Variants in DCAF16 observed in about 807,000 individuals in gnomAD.
DCAF16 encodes DDB1- and CUL4-associated factor 16.
Under a neutral mutation model 17.3 loss-of-function variants are expected in DCAF16, and 10 were observed. That is an observed-to-expected ratio of 0.58 (90% CI 0.36 to 0.98). DCAF16 has a LOEUF of 0.98. Ranked by LOEUF, DCAF16 falls within the 50% of genes least tolerant of loss-of-function variation. DCAF16 has a pLI of 0.01. For missense variants in DCAF16, 249 were observed against 247.6 expected, an observed-to-expected ratio of 1.01 and a Z score of -0.04; for synonymous variants, 111 against 92.8, an observed-to-expected ratio of 1.20 and a Z score of -1.12.
chr4:17,804,107 G>A lies in DCAF16; in HGVS notation c.35C>T (p.Ser12Leu). The A allele has an allele frequency of 6.2e-7, 1 of 1,614,016 alleles. No homozygotes were observed. The highest frequency in any genetic ancestry group is 8.5e-7 in the Non-Finnish European group (1 of 1,179,978). Residue 12 changes from serine to leucine, a missense_variant, in exon 3 of 3, where the codon TCA becomes TTA. Coordinates refer to ENST00000382247, the MANE Select transcript of DCAF16 (RefSeq NM_017741.4). ...GPRNPSPDHL[S>L]ESESEEEENI... The stretch of plus-strand genomic sequence containing the variant: ...TTCTTCTTCCTCACTTTCTGATTCT[G>A]ACAAGTGGTCAGGAGAGGGATTTCT...
chr4:17,796,440 G>T (rs1015530844), downstream of DCAF16, among the ~76,000 whole-genome samples: 2 of 152,210 alleles, frequency 1.3e-5, no homozygotes, highest in Non-Finnish European at 2.9e-5. Flanking sequence ...GCCAGGTGCG[G>T]TGGCTCACGC....
downstream of DCAF16, among the ~76,000 whole-genome samples, chr4:17,797,687 T>C (rs1719491373): frequency 6.6e-6 from 1 of 152,336 alleles, no homozygotes; most frequent in African/African-American, 2.4e-5. Context: ...TATCAGGCCA[T>C]TCTGGTTACT....
downstream of DCAF16, among the ~76,000 whole-genome samples, chr4:17,799,857 A>G (rs576691876): frequency 6.6e-6 from 1 of 152,166 alleles, no homozygotes; most frequent in Admixed American, 6.5e-5. Flanking sequence ...TTTAATAAAA[A>G]TGTTGCCTAT....
At chr4:17,810,239 C>T (rs2109035200) in intron 1 of DCAF16, among the ~76,000 whole-genome samples, 1 of 152,322 alleles carries the variant, frequency 6.6e-6, no homozygotes, top group East Asian at 1.9e-4. Flanking sequence ...TTTCCATTCT[C>T]TTGAGTTCTC....
Position 17,803,468 on chromosome 4 carries a change from A to G in DCAF16, c.*23T>C, listed in dbSNP as rs1719982106. On this transcript the variant is annotated 3_prime_UTR_variant, in exon 3 of 3. Transcript: ENST00000382247. ...ACTTTCTCAATTAGCAACATCAGAG[A>G]TATCAGAGCAAATGGTAGATCTTTA... The G allele has an allele frequency of 6.3e-7, 1 of 1,599,432 alleles. No individual in the cohort carries two copies. The highest frequency in any genetic ancestry group is 8.6e-7 in the Non-Finnish European group (1 of 1,169,456).
intron 1 of DCAF16, among the ~76,000 whole-genome samples, chr4:17,805,729 A>G (rs1720266863): frequency 6.6e-6 from 1 of 152,218 alleles, no homozygotes; most frequent in Non-Finnish European, 1.5e-5. Context: ...TGGGAGGCCA[A>G]GGGTGGAGGA....
the DCAF16 span, among the ~76,000 whole-genome samples, chr4:17,794,080 T>C: frequency 2.0e-5 from 3 of 152,190 alleles, no homozygotes; most frequent in Non-Finnish European, 4.4e-5. Flanking sequence ...AGCCACTGTA[T>C]GTAACCATAT....
intron 1 of DCAF16, among the ~76,000 whole-genome samples, chr4:17,809,044 A>G (rs1430122446): frequency 6.6e-6 from 1 of 152,128 alleles, no homozygotes; most frequent in African/African-American, 2.4e-5. Context: ...AAAAATAAAA[A>G]AATATATATT....
At chr4:17,807,572 G>A (rs766233609) in intron 1 of DCAF16, among the ~76,000 whole-genome samples, 1 of 152,138 alleles carries the variant, frequency 6.6e-6, no homozygotes, top group South Asian at 2.1e-4. Context: ...CTACTTTTGG[G>A]CATAGATAGC....
chr4:17,794,177 C>T, the DCAF16 span, among the ~76,000 whole-genome samples: 1 of 151,950 alleles, frequency 6.6e-6, no homozygotes, highest in Non-Finnish European at 1.5e-5. Flanking sequence ...GTTGAGTATC[C>T]CTTATCTGAA....
Position 17,801,552 on chromosome 4 carries a change from T to A in DCAF16, c.*1939A>T, listed in dbSNP as rs557711090. On this transcript the variant is annotated 3_prime_UTR_variant, in exon 3 of 3. Transcript: ENST00000382247. The stretch of plus-strand genomic sequence containing the variant: ...TTCACAATCTCTTTTCTGATTCCCT[T>A]TAGATGCCCAGTCAACCAGGACCAC... 17 of 152,314 alleles carry A rather than the reference T, an allele frequency of 1.1e-4. No homozygotes were observed. In the South Asian group the frequency reaches 3.1e-3, roughly 28 times the overall value. The allele number at this position is 152,314 out of a possible 1,614,324, so 9.4% of individuals were successfully genotyped here.
At position 17,803,539 on chromosome 4, in the gene DCAF16, G is replaced by T. The variant is rs776812992; in HGVS notation, c.603C>A (p.Tyr201Ter). The T allele has an allele frequency of 4.3e-6, 7 of 1,614,070 alleles. No individual in the cohort carries two copies. Among genetic ancestry groups the T allele is most frequent in the Admixed American group, 1.7e-5 (1 of 60,000 alleles). Reference sequence around the variant, plus strand: ...TGTTAACTGCCTTTTGGAAGTCAGTGTAAGAATAAGTAGTGTTGATGGGTT... The same window carrying T: ...TGTTAACTGCCTTTTGGAAGTCAGTTTAAGAATAAGTAGTGTTGATGGGTT... ...RTEPINTTYS[Y>*]TDFQKAVNKL... The change falls in exon 3 of 3, where the codon TAC becomes TAA. Residue 201 changes from tyrosine to a stop codon, truncating the protein, a stop_gained. Coordinates refer to ENST00000382247, the MANE Select transcript of DCAF16 (RefSeq NM_017741.4). LOFTEE classifies it high-confidence loss of function.
the DCAF16 span, among the ~76,000 whole-genome samples, chr4:17,794,962 G>A: frequency 9.9e-5 from 15 of 152,118 alleles, no homozygotes; most frequent in African/African-American, 3.1e-4. Context: ...GACTTTCCTC[G>A]TTTTCCTTTG....
chr4:17,808,473 C>G (rs1479911482), intron 1 of DCAF16, among the ~76,000 whole-genome samples: 2 of 152,016 alleles, frequency 1.3e-5, no homozygotes. Context: ...GTACAAAAGT[C>G]AGGAAAAATG....
At chr4:17,795,320 C>G in the DCAF16 span, among the ~76,000 whole-genome samples, 2 of 152,214 alleles carry the variant, frequency 1.3e-5, no homozygotes. Flanking sequence ...TTCCATAACT[C>G]TAGCATTCTG....
downstream of DCAF16, among the ~76,000 whole-genome samples, chr4:17,797,974 T>C (rs199597622): frequency 2.6e-5 from 4 of 152,328 alleles, no homozygotes; most frequent in East Asian, 5.8e-4. Flanking sequence ...CAGCTCCTTA[T>C]TTTGCAACAC....
At chr4:17,797,888 T>C (rs1719498901), downstream of DCAF16, among the ~76,000 whole-genome samples, 1 of 152,192 alleles carries the variant, frequency 6.6e-6, no homozygotes. Flanking sequence ...ATACCATAGA[T>C]GGAAGGGTAG....
rs1720088369 is a variant in DCAF16 at position 17,804,196 on chromosome 4, C to T, written c.-55G>A. 8 of 1,344,524 alleles carry T rather than the reference C, an allele frequency of 6.0e-6. No individual in the cohort carries two copies. Among genetic ancestry groups the T allele is most frequent in the Non-Finnish European group, 8.2e-6 (8 of 980,512 alleles). 83.3% of individuals were successfully genotyped at this position (1,344,524 alleles called of 1,614,324 possible). A position where few individuals can be genotyped will look rare whatever the true frequency, so the allele number is the denominator to read the frequency against. ...AAGGTAATAATCTAAGCCAGCAGAA[C>T]ACTGACTAACACTGGCAAATAGAAA... On this transcript the variant is annotated 5_prime_UTR_variant, in exon 3 of 3. Coordinates refer to ENST00000382247, the MANE Select transcript of DCAF16 (RefSeq NM_017741.4).
intron 1 of DCAF16, among the ~76,000 whole-genome samples, chr4:17,809,049 T>C (rs537905170): frequency 6.6e-6 from 1 of 152,016 alleles, no homozygotes; most frequent in South Asian, 2.1e-4. Flanking sequence ...TAAAAAAATA[T>C]ATATTAGAAA....
Sources: gnomAD v4.1 joint callset for allele counts (sites outside exome capture counted in the v4.1 genomes callset) on GRCh38, gnomAD v4.1.1 for gene constraint, MANE v1.5 for transcripts, NCBI Gene and HGNC (gene_info 2026-07-23, HGNC 2026-07-21) for gene names.